Variants in MARCHF1 observed in about 807,000 individuals in gnomAD.
The protein encoded by MARCHF1 is E3 ubiquitin-protein ligase MARCHF1.
MARCHF1 carries 40 observed loss-of-function variants against 54.2 expected under a neutral mutation model. The observed-to-expected ratio is 0.74, with a 90% confidence interval of 0.57 to 0.96. The LOEUF (loss-of-function observed/expected upper bound fraction) is 0.96, where lower values mean the gene tolerates loss of function less well. Ranked by LOEUF, MARCHF1 falls within the 40% of genes least tolerant of loss-of-function variation. The pLI, the probability that MARCHF1 is intolerant of heterozygous loss-of-function variation, is 0.00. For synonymous variants in MARCHF1, 236 were observed against 236.3 expected (o/e 1.00, Z 0.01); for missense variants, 586 against 656.5 (o/e 0.89, Z 1.17).
intron 3 of MARCHF1, among the ~76,000 whole-genome samples, chr4:163,978,524 T>C (rs1752693610): frequency 6.6e-6 from 1 of 152,148 alleles, no homozygotes; most frequent in South Asian, 2.1e-4. Context: ...TTATTTTATA[T>C]ATGAGGAAAC....
chr4:164,312,126 C>T (rs945292222), intron 1 of MARCHF1, among the ~76,000 whole-genome samples: 3 of 152,024 alleles, frequency 2.0e-5, no homozygotes, highest in Non-Finnish European at 4.4e-5. Context: ...AATCAGCTCT[C>T]GTATCTTCCA....
At chr4:163,745,051 G>A (rs1746316327) in intron 4 of MARCHF1, among the ~76,000 whole-genome samples, 1 of 151,756 alleles carries the variant, frequency 6.6e-6, no homozygotes, top group Non-Finnish European at 1.5e-5. Flanking sequence ...CACGCCAGAA[G>A]TGAAACTTTT....
intron 3 of MARCHF1, among the ~76,000 whole-genome samples, chr4:163,909,315 T>A (rs1310022347): frequency 6.6e-6 from 1 of 152,212 alleles, no homozygotes; most frequent in African/African-American, 2.4e-5. Context: ...AGGATTCCGA[T>A]TTCAGAAGCT....
intron 4 of MARCHF1, among the ~76,000 whole-genome samples, chr4:163,723,216 C>G (rs1360323585): frequency 6.6e-6 from 1 of 152,102 alleles, no homozygotes; most frequent in Non-Finnish European, 1.5e-5. Context: ...TAGGGCAGGC[C>G]TGGTGGTGAC....
intron 3 of MARCHF1, among the ~76,000 whole-genome samples, chr4:163,953,301 G>A (rs184124095): frequency 6.6e-6 from 1 of 152,170 alleles, no homozygotes; most frequent in African/African-American, 2.4e-5. Context: ...CGTCAGACTT[G>A]GATTATTTCT....
chr4:163,783,032 A>G (rs1340619046), intron 4 of MARCHF1, among the ~76,000 whole-genome samples: 1 of 152,240 alleles, frequency 6.6e-6, no homozygotes, highest in Non-Finnish European at 1.5e-5. Context: ...TCACTTCAAT[A>G]TAAAGATAAA....
chr4:163,989,158 T>C (rs1163085412), intron 2 of MARCHF1, among the ~76,000 whole-genome samples: 1 of 152,154 alleles, frequency 6.6e-6, no homozygotes, highest in Non-Finnish European at 1.5e-5. Context: ...AGTGTCCTAT[T>C]TGGAGCCAAA....
intron 3 of MARCHF1, among the ~76,000 whole-genome samples, chr4:163,882,587 T>C (rs752904644): frequency 6.6e-6 from 1 of 152,232 alleles, no homozygotes; most frequent in Non-Finnish European, 1.5e-5. Context: ...ACAGAGCCTG[T>C]TGAAGAGCAC....
At chr4:164,027,987 C>T (rs560532363) in intron 2 of MARCHF1, among the ~76,000 whole-genome samples, 1 of 152,198 alleles carries the variant, frequency 6.6e-6, no homozygotes, top group African/African-American at 2.4e-5. Flanking sequence ...AGAAAATGCT[C>T]ATTATTAGTC....
intron 9 of MARCHF1, among the ~76,000 whole-genome samples, chr4:163,529,310 A>C (rs1317851673): frequency 6.6e-6 from 1 of 152,058 alleles, no homozygotes; most frequent in Admixed American, 6.6e-5. Flanking sequence ...CCTAGCATCA[A>C]GTACCTATCA....
intron 3 of MARCHF1, among the ~76,000 whole-genome samples, chr4:163,917,150 T>C (rs1275729963): frequency 6.6e-6 from 1 of 152,160 alleles, no homozygotes; most frequent in African/African-American, 2.4e-5. Flanking sequence ...GCACTTGGAG[T>C]TCTTCCATGA....
intron 1 of MARCHF1, chr4:164,135,630 C>T (rs1756384812): frequency 6.6e-6 from 1 of 152,162 alleles, no homozygotes; most frequent in Non-Finnish European, 1.5e-5. Context: ...GATTCAATCA[C>T]CTCCCACAAG....
intron 1 of MARCHF1, among the ~76,000 whole-genome samples, chr4:164,379,724 G>A (rs778890212): frequency 6.6e-6 from 1 of 152,148 alleles, no homozygotes; most frequent in Non-Finnish European, 1.5e-5. Context: ...AGTGGCTTAT[G>A]CCTGTAATCT....
At chr4:164,282,032 AC>A (rs1215890765) in intron 1 of MARCHF1, among the ~76,000 whole-genome samples, 1 of 150,586 alleles carries the variant, frequency 6.6e-6, no homozygotes, top group Non-Finnish European at 1.5e-5. Flanking sequence ...TACCCTATAG[AC>A]CTCTAGTACC....
intron 4 of MARCHF1, among the ~76,000 whole-genome samples, chr4:163,827,088 T>TAAA (rs5863632): frequency 2.1e-3 from 323 of 150,628 alleles, no homozygotes; most frequent in African/African-American, 6.2e-3. Flanking sequence ...CTTTTTAAAA[T>TAAA]AAAAAAAAAG....
intron 3 of MARCHF1, among the ~76,000 whole-genome samples, chr4:163,875,737 A>G (rs953392877): frequency 9.2e-5 from 14 of 152,194 alleles, no homozygotes; most frequent in African/African-American, 3.1e-4. Flanking sequence ...GCAAATTGTT[A>G]AGACTCTCAT....
At position 164,377,709 on chromosome 4, in the gene MARCHF1, CT is replaced by C. The variant is rs150304483; in HGVS notation, c.-323+6160del. 7.6e-4 allele frequency among the ~76,000 whole-genome samples: 115 copies of C among 152,188 alleles called. No individual in the cohort carries two copies. The East Asian group carries it at 0.022, about 29-fold the overall frequency. On this transcript the variant is annotated intron_variant, in intron 1 of 9. Coordinates refer to ENST00000514618, the MANE Select transcript of MARCHF1 (RefSeq NM_001394959.1). ...ATTTATTATGTTTAGTTACCAATAA[CT>C]TTAATCTATTGGCTATTTGAATTAC... is the stretch of plus-strand genomic sequence containing the variant.
intron 5 of MARCHF1, among the ~76,000 whole-genome samples, chr4:163,672,622 T>C (rs2111135182): frequency 6.6e-6 from 1 of 152,348 alleles, no homozygotes; most frequent in East Asian, 1.9e-4. Flanking sequence ...TAAACTTTTA[T>C]AGTTTATTTG....
At chr4:164,069,168 T>C (rs1754802590) in intron 2 of MARCHF1, among the ~76,000 whole-genome samples, 1 of 152,188 alleles carries the variant, frequency 6.6e-6, no homozygotes, top group Non-Finnish European at 1.5e-5. Context: ...AGAACTTTTG[T>C]GTCTAGCTCA....
Sources: allele counts gnomAD v4.1 joint callset (sites outside exome capture counted in the v4.1 genomes callset), GRCh38; gene constraint gnomAD v4.1.1; transcripts MANE v1.5; gene names NCBI Gene and HGNC (gene_info 2026-07-23, HGNC 2026-07-21).